Variants in ADAMTSL3 observed in about 807,000 individuals in gnomAD.
ADAMTSL3 encodes ADAMTS like 3, also known as ADAMTS-like protein 3.
A neutral mutation model predicts 201.7 loss-of-function variants in ADAMTSL3; 128 were observed. The observed-to-expected ratio is 0.63, with a 90% confidence interval of 0.55 to 0.73. ADAMTSL3 has a LOEUF of 0.73. ADAMTSL3 is among the 30% of genes least tolerant of loss of function. The pLI is 0.00. For synonymous variants in ADAMTSL3, 738 were observed against 748.4 expected (o/e 0.99, Z 0.23); for missense variants, 1,990 against 2,119.6 (o/e 0.94, Z 1.20).
At chr15:83,715,167 C>G (rs2061999843) in intron 3 of ADAMTSL3, among the ~76,000 whole-genome samples, 1 of 152,062 alleles carries the variant, frequency 6.6e-6, no homozygotes, top group South Asian at 2.1e-4. Context: ...CAAGAAAACA[C>G]AATGCAGGAT....
rs147817929 is a variant in ADAMTSL3 at position 83,810,047 on chromosome 15, A to G, written c.363+5352A>G. ...CCATATTTGCAGTCCATTTCTATCA[A>G]CGATGAAGCTGACATTTCTATCTGT... is the stretch of plus-strand genomic sequence containing the variant. On this transcript the variant is annotated intron_variant, in intron 5 of 29. Coordinates refer to ENST00000286744, the MANE Select transcript of ADAMTSL3 (RefSeq NM_207517.3). Among the ~76,000 whole-genome samples, 329 of 152,242 alleles carry G rather than the reference A, an allele frequency of 2.2e-3. 1 individual carries two copies. Among genetic ancestry groups the G allele is most frequent in the African/African-American group, 7.5e-3 (313 of 41,542 alleles).
intron 3 of ADAMTSL3, among the ~76,000 whole-genome samples, chr15:83,751,661 A>G (rs375919100): frequency 2.0e-4 from 31 of 152,330 alleles, no homozygotes; most frequent in African/African-American, 7.5e-4. Flanking sequence ...AGAAAACTGT[A>G]TATAGAAGCC....
intron 28 of ADAMTSL3, among the ~76,000 whole-genome samples, chr15:84,035,038 C>G (rs2068479711): frequency 6.6e-6 from 1 of 152,088 alleles, no homozygotes; most frequent in South Asian, 2.1e-4. Context: ...ACAGACCTTG[C>G]TTTTTATTTA....
chr15:83,675,302 A>G (rs959774936), intron 2 of ADAMTSL3, among the ~76,000 whole-genome samples: 1 of 152,116 alleles, frequency 6.6e-6, no homozygotes, highest in African/African-American at 2.4e-5. Flanking sequence ...GGTAAGGTCC[A>G]TGGAAGAATT....
intron 6 of ADAMTSL3, among the ~76,000 whole-genome samples, chr15:83,822,484 G>C (rs1160541545): frequency 7.1e-6 from 1 of 140,428 alleles, no homozygotes; most frequent in Non-Finnish European, 1.5e-5. Context: ...CAGACGGGGC[G>C]GCCGGGCAGA....
chr15:83,812,847 A>T (rs1385156518), intron 5 of ADAMTSL3, among the ~76,000 whole-genome samples: 1 of 152,226 alleles, frequency 6.6e-6, no homozygotes, highest in Admixed American at 6.5e-5. Context: ...TCATGTATAA[A>T]TTAATGTAAT....
chr15:83,832,555 A>T (rs922874749), intron 6 of ADAMTSL3, among the ~76,000 whole-genome samples: 4 of 152,172 alleles, frequency 2.6e-5, no homozygotes, highest in Non-Finnish European at 5.9e-5. Context: ...AGAATTCAGT[A>T]TCTTTCCTTC....
chr15:83,764,230 T>C (rs2062856857), intron 3 of ADAMTSL3, among the ~76,000 whole-genome samples: 1 of 152,184 alleles, frequency 6.6e-6, no homozygotes, highest in Admixed American at 6.5e-5. Flanking sequence ...GATGTGAGGC[T>C]TTGCTCCCTC....
At chr15:83,973,875 T>C (rs1280405477) in intron 20 of ADAMTSL3, among the ~76,000 whole-genome samples, 1 of 152,172 alleles carries the variant, frequency 6.6e-6, no homozygotes, top group Non-Finnish European at 1.5e-5. Context: ...AGGTTTCAAT[T>C]CTAGAAAATG....
At chr15:83,896,495 A>G (rs2065617993) in intron 13 of ADAMTSL3, among the ~76,000 whole-genome samples, 1 of 152,200 alleles carries the variant, frequency 6.6e-6, no homozygotes, top group Non-Finnish European at 1.5e-5. Context: ...TAATAATGAT[A>G]TATTAAATGA....
chr15:83,960,823 C>T (rs918211995), intron 19 of ADAMTSL3, among the ~76,000 whole-genome samples: 31 of 152,232 alleles, frequency 2.0e-4, no homozygotes, highest in African/African-American at 7.5e-4. Context: ...TTCTCCCACC[C>T]GTGTTACTCA....
chr15:83,870,582 T>C (rs1320003492), intron 8 of ADAMTSL3, among the ~76,000 whole-genome samples: 5 of 152,154 alleles, frequency 3.3e-5, no homozygotes, highest in Non-Finnish European at 7.4e-5. Flanking sequence ...AATATTTGAG[T>C]AGAACTATTT....
chr15:83,712,569 T>G (rs537122500), intron 3 of ADAMTSL3, among the ~76,000 whole-genome samples: 11 of 152,174 alleles, frequency 7.2e-5, no homozygotes, highest in Non-Finnish European at 1.3e-4. Flanking sequence ...CACCAAAACC[T>G]TTATGACCTG....
At position 83,923,894 on chromosome 15, in the gene ADAMTSL3, T is replaced by C. The variant is rs2141989864; in HGVS notation, c.1988-10T>C. The C allele has an allele frequency of 6.2e-7, 1 of 1,613,332 alleles. No individual in the cohort carries two copies. The highest frequency in any genetic ancestry group is 8.5e-7 in the Non-Finnish European group (1 of 1,179,698). On this transcript the variant is annotated splice_polypyrimidine_tract_variant and intron_variant, in intron 16 of 29. Transcript: ENST00000286744. ...TGTCATTTGCATTTTTTCCTCTTTC[T>C]AACCTGCAGGCCATCAAGAAGCCAT... is the stretch of plus-strand genomic sequence containing the variant.
At chr15:83,754,768 G>T (rs188085870) in intron 3 of ADAMTSL3, among the ~76,000 whole-genome samples, 120 of 152,232 alleles carry the variant, frequency 7.9e-4, no homozygotes, top group Middle Eastern at 3.4e-3. Context: ...ATAAGGAAAT[G>T]AAATAAAACT....
intron 29 of ADAMTSL3, among the ~76,000 whole-genome samples, chr15:84,037,265 A>G (rs776370344): frequency 1.3e-5 from 2 of 152,126 alleles, no homozygotes; most frequent in African/African-American, 4.8e-5. Context: ...CTCTCCACAC[A>G]CTTCTCTTCT....
At chr15:83,917,070 G>A (rs973338493) in intron 16 of ADAMTSL3, among the ~76,000 whole-genome samples, 1 of 152,112 alleles carries the variant, frequency 6.6e-6, no homozygotes, top group Non-Finnish European at 1.5e-5. Context: ...CTTCACCCTG[G>A]ATAGCAGAGA....
chr15:83,889,040 C>T (rs751204949), intron 10 of ADAMTSL3, among the ~76,000 whole-genome samples: 5 of 152,128 alleles, frequency 3.3e-5, no homozygotes, highest in Non-Finnish European at 5.9e-5. Context: ...TAACAAGACA[C>T]TTATGTGGTG....
intron 15 of ADAMTSL3, among the ~76,000 whole-genome samples, chr15:83,903,957 A>G (rs1224661127): frequency 0.028 from 1,765 of 62,362 alleles, 21 homozygotes; most frequent in Non-Finnish European, 0.033. Flanking sequence ...AAAAAGAAAG[A>G]AAGAAAGAAA....
Sources: gnomAD v4.1 joint callset for allele counts (sites outside exome capture counted in the v4.1 genomes callset) on GRCh38, gnomAD v4.1.1 for gene constraint, MANE v1.5 for transcripts, NCBI Gene and HGNC (gene_info 2026-07-23, HGNC 2026-07-21) for gene names.